ZBTB44: variants seen among roughly 807,000 people sequenced by gnomAD.
ZBTB44 encodes the protein zinc finger and BTB domain-containing protein 44.
A neutral mutation model predicts 54.0 loss-of-function variants in ZBTB44; 15 were observed. The observed-to-expected ratio is 0.28, with a 90% CI of 0.19 to 0.43. The LOEUF (loss-of-function observed/expected upper bound fraction) is 0.43. ZBTB44 is among the 20% of genes least tolerant of loss of function. The pLI is 1.00. For synonymous variants in ZBTB44, 230 were observed against 250.1 expected, an observed-to-expected ratio of 0.92 and a Z score of 0.76; for missense variants, 487 against 707.1, an observed-to-expected ratio of 0.69 and a Z score of 3.53.
At position 130,237,037 on chromosome 11, in the gene ZBTB44, G is replaced by A; in HGVS notation, c.1324C>T (p.Leu442=). ...CGKKFTRAYS[L]KMHRLKHEGK... The stretch of plus-strand genomic sequence containing the variant: ...TCATGCTTTAGGCGATGCATCTTTA[G>A]CGAGTAAGCCCTGGTGAACTTTTTC... Residue 442 remains leucine (L), a synonymous_variant, in exon 5 of 8, where the codon CTA becomes TTA. Coordinates refer to ENST00000357899, the MANE Select transcript of ZBTB44 (RefSeq NM_001301098.2). The A allele has an allele frequency of 6.2e-7, 1 of 1,608,622 alleles. No homozygotes were observed. Among genetic ancestry groups the A allele is most frequent in the Non-Finnish European group, 8.5e-7 (1 of 1,177,574 alleles).
intron 2 of ZBTB44, among the ~76,000 whole-genome samples, chr11:130,246,868 C>G (rs1954669115): frequency 6.6e-6 from 1 of 152,110 alleles, no homozygotes; most frequent in African/African-American, 2.4e-5. Flanking sequence ...CTCTGTGACC[C>G]TTATTTAAAG....
At chr11:130,235,218 A>G (rs1029903143) in intron 5 of ZBTB44, among the ~76,000 whole-genome samples, 1 of 152,206 alleles carries the variant, frequency 6.6e-6, no homozygotes, top group African/African-American at 2.4e-5. Context: ...TCTGCAAAGT[A>G]ATTTAGAATG....
intron 1 of ZBTB44, chr11:130,285,290 C>CTTTTTTTTTTT (rs1217111966): frequency 1.6e-5 from 2 of 123,008 alleles, no homozygotes; most frequent in Non-Finnish European, 3.6e-5. Context: ...TTCTTGTTTT[C>CTTTTTTTTTTT]TTTTTTTTTT....
At chr11:130,240,933 G>C (rs976689910) in intron 2 of ZBTB44, among the ~76,000 whole-genome samples, 1 of 152,180 alleles carries the variant, frequency 6.6e-6, no homozygotes, top group African/African-American at 2.4e-5. Flanking sequence ...TTAAAGGAAA[G>C]TTTGCCAAGG....
intron 2 of ZBTB44, among the ~76,000 whole-genome samples, chr11:130,240,537 T>G (rs1471378254): frequency 6.6e-6 from 1 of 152,180 alleles, no homozygotes; most frequent in African/African-American, 2.4e-5. Context: ...ATTCTTATTT[T>G]TTAAAACTTA....
At chr11:130,238,792 T>A in intron 3 of ZBTB44, 185 bp from the exon 4 acceptor site, 1 of 670,384 alleles carries the variant, frequency 1.5e-6, no homozygotes. Flanking sequence ...GAATGCCTTT[T>A]GTTTTTTTTT....
At chr11:130,285,099 G>T in intron 1 of ZBTB44, 1 of 165,048 alleles carries the variant, frequency 6.1e-6, no homozygotes, top group South Asian at 2.0e-4. Context: ...GGGAACCAGT[G>T]AGTTCTTCCT....
chr11:130,266,894 A>G (rs1010174846), intron 1 of ZBTB44, among the ~76,000 whole-genome samples: 1 of 152,246 alleles, frequency 6.6e-6, no homozygotes, highest in African/African-American at 2.4e-5. Flanking sequence ...AATGATTTAG[A>G]AAACTACATA....
At chr11:130,300,883 G>C (rs1254191710) in intron 1 of ZBTB44, among the ~76,000 whole-genome samples, 1 of 152,158 alleles carries the variant, frequency 6.6e-6, no homozygotes, top group Non-Finnish European at 1.5e-5. Context: ...TCTAAAAATA[G>C]AGCAAGGGGG....
intron 1 of ZBTB44, among the ~76,000 whole-genome samples, chr11:130,298,528 T>C (rs1941802118): frequency 6.8e-6 from 1 of 147,880 alleles, no homozygotes; most frequent in African/African-American, 2.5e-5. Context: ...AGTGGCATGA[T>C]CTTGGCTCAC....
rs1264603579 is a variant in ZBTB44 at position 130,297,054 on chromosome 11, T to C, written c.-57+17321A>G. 4 of 664,252 alleles carry C rather than the reference T, an allele frequency of 6.0e-6. No homozygotes were observed. The Admixed American group carries it at 9.9e-5, about 16-fold the overall frequency. 41.1% of individuals were successfully genotyped at this position (664,252 alleles called of 1,614,324 possible). A position where few individuals can be genotyped will look rare whatever the true frequency, so the allele number is the denominator to read the frequency against. ...ATCCGATAGCAGGCAGCTCTCTCAT[T>C]GAAGACATGCCTTTCTTTCATCTTG... is the stretch of plus-strand genomic sequence containing the variant. On this transcript the variant is annotated intron_variant, in intron 1 of 7. Coordinates refer to ENST00000357899, the MANE Select transcript of ZBTB44 (RefSeq NM_001301098.2).
intron 1 of ZBTB44, among the ~76,000 whole-genome samples, chr11:130,292,557 T>C (rs908943426): frequency 4.6e-5 from 7 of 152,124 alleles, no homozygotes; most frequent in Admixed American, 1.3e-4. Context: ...CATTGAAAAA[T>C]TGCTGAATAA....
intron 1 of ZBTB44, among the ~76,000 whole-genome samples, chr11:130,287,808 T>G (rs1941054987): frequency 6.6e-6 from 1 of 152,008 alleles, no homozygotes; most frequent in Non-Finnish European, 1.5e-5. Context: ...CTCTTAAAAT[T>G]TATTGAGAAC....
intron 5 of ZBTB44, among the ~76,000 whole-genome samples, chr11:130,235,015 A>G: frequency 6.6e-6 from 1 of 152,170 alleles, no homozygotes; most frequent in East Asian, 1.9e-4. Context: ...TAAATTTCCT[A>G]CTTATAAGCA....
In ZBTB44 at chr11:130,261,120, G is replaced by C; in HGVS notation, c.754C>G (p.Arg252Gly). The stretch of plus-strand genomic sequence containing the variant: ...GATGGGCCAGGTAATTCTAAAGTCC[G>C]GGTATTTTCTGCTTGCTTAACTTTC... ...PEKVKQAENT[R>G]TLELPGPSET... The change falls in exon 2 of 8, where the codon CGG becomes GGG. Residue 252 changes from arginine to glycine, a missense_variant. Around this residue, in one of 3 missense-constraint regions of ZBTB44, gnomAD observed 277 missense variants for 306.5 expected, o/e 0.90. Transcript: ENST00000357899. This position sits in a 1 kb window ranked among gnomAD's most constrained non-coding sequence, Gnocchi z 4.8. 1 of 1,613,924 alleles carries C rather than the reference G, an allele frequency of 6.2e-7. No homozygotes were observed. The highest frequency in any genetic ancestry group is 8.5e-7 in the Non-Finnish European group (1 of 1,179,884).
chr11:130,238,654 C>G, intron 3 of ZBTB44, 47 bp from the exon 4 acceptor site: 1 of 1,569,210 alleles, frequency 6.4e-7, no homozygotes, highest in Non-Finnish European at 8.6e-7. Context: ...GATTTTTAAA[C>G]TGAATAAACA....
intron 1 of ZBTB44, among the ~76,000 whole-genome samples, chr11:130,287,349 G>A (rs1941028204): frequency 6.6e-6 from 1 of 152,176 alleles, no homozygotes; most frequent in Non-Finnish European, 1.5e-5. Flanking sequence ...GAGCAAGAGT[G>A]TTAACTATGC....
At chr11:130,301,245 A>C (rs534584293) in intron 1 of ZBTB44, among the ~76,000 whole-genome samples, 5 of 152,174 alleles carry the variant, frequency 3.3e-5, no homozygotes, top group Non-Finnish European at 5.9e-5. Context: ...GCGTGGTGAG[A>C]AGTAGCTAGA....
chr11:130,270,651 T>A (rs200191668), intron 1 of ZBTB44, among the ~76,000 whole-genome samples: 2 of 152,084 alleles, frequency 1.3e-5, no homozygotes, highest in East Asian at 3.9e-4. Context: ...ATAAAGAAAA[T>A]GCATCTGAGA....
Sources: gnomAD v4.1 joint callset for allele counts (sites outside exome capture counted in the v4.1 genomes callset) on GRCh38, gnomAD v4.1.1 for gene constraint, gnomAD v4.1.1 regional missense constraint, Gnocchi (gnomAD v3.1) non-coding constraint, MANE v1.5 for transcripts, NCBI Gene and HGNC (gene_info 2026-07-23, HGNC 2026-07-21) for gene names.